COL11A1: variants seen among roughly 807,000 people sequenced by gnomAD.
The protein encoded by COL11A1 is collagen alpha-1(XI) chain.
Under a neutral mutation model 265.2 loss-of-function variants are expected in COL11A1, and 74 were observed. The ratio of observed to expected loss-of-function variants is 0.28; its 90% CI spans 0.23 to 0.34. The LOEUF (loss-of-function observed/expected upper bound fraction) is 0.34. Ranked by LOEUF, COL11A1 falls within the 10% of genes least tolerant of loss-of-function variation. The probability of loss-of-function intolerance (pLI) is 1.00; values close to 1 mark genes in which losing one functional copy is unlikely to be tolerated. For synonymous variants in COL11A1, 816 were observed against 727.6 expected (o/e 1.12, Z -1.96); for missense variants, 2,165 against 2,263.6 (o/e 0.96, Z 0.88).
At chr1:102,947,813 A>T (rs1476620288) in intron 41 of COL11A1, among the ~76,000 whole-genome samples, 1 of 151,954 alleles carries the variant, frequency 6.6e-6, no homozygotes, top group Non-Finnish European at 1.5e-5. Flanking sequence ...AAGCTCAAGT[A>T]TAATCTATTT....
chr1:102,890,428 A>T, intron 58 of COL11A1, 23 bp downstream of exon 58: 1 of 1,592,488 alleles, frequency 6.3e-7, no homozygotes, highest in Non-Finnish European at 8.6e-7. Flanking sequence ...TCTTTTATTA[A>T]TAACACATTC....
At chr1:103,089,395 A>G (rs889559013) in intron 1 of COL11A1, among the ~76,000 whole-genome samples, 7 of 152,020 alleles carry the variant, frequency 4.6e-5, no homozygotes, top group Admixed American at 1.3e-4. Context: ...ATCACCCTAC[A>G]CTATTTTGTT....
chr1:102,963,710 T>G (rs1470641659), intron 38 of COL11A1, among the ~76,000 whole-genome samples: 2 of 152,168 alleles, frequency 1.3e-5, no homozygotes, highest in African/African-American at 4.8e-5. Context: ...TTTCTAGGTT[T>G]AAATTTCTTT....
At chr1:103,096,272 T>G (rs1377496332) in intron 1 of COL11A1, among the ~76,000 whole-genome samples, 3 of 152,048 alleles carry the variant, frequency 2.0e-5, no homozygotes, top group African/African-American at 7.2e-5. Context: ...AAATGTTGCT[T>G]TCTTAGACTG....
In COL11A1 at chr1:103,103,590, C is replaced by T. The variant is rs1250267190; in HGVS notation, c.106+4483G>A. Among the ~76,000 whole-genome samples, 3 of 152,004 alleles carry T rather than the reference C, an allele frequency of 2.0e-5. No individual in the cohort carries two copies. In the East Asian group the frequency reaches 5.8e-4, roughly 29 times the overall value. ...TAAATTTCTTTATATAAGACATTTTCACTATATCTACCTTCTCACTAATCT... is the reference window on the plus strand; with the variant it reads ...TAAATTTCTTTATATAAGACATTTTTACTATATCTACCTTCTCACTAATCT... On this transcript the variant is annotated intron_variant, in intron 1 of 66. Coordinates refer to ENST00000370096, the MANE Select transcript of COL11A1 (RefSeq NM_001854.4).
chr1:103,071,705 G>T (rs2102266002), intron 4 of COL11A1, among the ~76,000 whole-genome samples: 1 of 151,370 alleles, frequency 6.6e-6, no homozygotes, highest in Non-Finnish European at 1.5e-5. Flanking sequence ...GACCCACGAG[G>T]ACTTCTGACT....
intron 4 of COL11A1, among the ~76,000 whole-genome samples, chr1:103,062,222 T>G (rs181300621): frequency 2.0e-5 from 3 of 152,086 alleles, no homozygotes; most frequent in Admixed American, 2.0e-4. Context: ...CAGAACAAGA[T>G]GGGTTCACTG....
At chr1:103,076,396 A>G (rs982136431) in intron 3 of COL11A1, among the ~76,000 whole-genome samples, 6 of 136,734 alleles carry the variant, frequency 4.4e-5, no homozygotes, top group Non-Finnish European at 8.0e-5. Context: ...CTGCATTCTT[A>G]AAACTATCAA....
At chr1:102,880,219 T>C (rs1038750299) in intron 65 of COL11A1, among the ~76,000 whole-genome samples, 3 of 152,148 alleles carry the variant, frequency 2.0e-5, no homozygotes, top group Admixed American at 1.3e-4. Context: ...TTCCAAGAAA[T>C]GTTTCAATAT....
intron 1 of COL11A1, among the ~76,000 whole-genome samples, chr1:103,099,774 C>T (rs1242517299): frequency 6.6e-6 from 1 of 151,734 alleles, no homozygotes; most frequent in East Asian, 1.9e-4. Flanking sequence ...TATTCAGTGG[C>T]ACCTTTGGAG....
intron 37 of COL11A1, among the ~76,000 whole-genome samples, chr1:102,967,695 G>T (rs547284982): frequency 2.0e-5 from 3 of 152,104 alleles, no homozygotes; most frequent in African/African-American, 4.8e-5. Flanking sequence ...CCATATATTT[G>T]TATGACCTGT....
chr1:102,884,980 A>G (rs565792303), intron 63 of COL11A1, among the ~76,000 whole-genome samples: 1 of 152,208 alleles, frequency 6.6e-6, no homozygotes, highest in Non-Finnish European at 1.5e-5. Context: ...CCCTTATTCC[A>G]GAGGGGTTCT....
chr1:102,922,723 A>G (rs1394029503), intron 47 of COL11A1, among the ~76,000 whole-genome samples: 1 of 152,172 alleles, frequency 6.6e-6, no homozygotes, highest in East Asian at 1.9e-4. Flanking sequence ...TGCATTTCTT[A>G]TATCTAGGTT....
chr1:102,887,084 T>C lies in COL11A1; in HGVS notation c.4609-28A>G, dbSNP rs2100841665. On this transcript the variant is annotated intron_variant, in intron 62 of 66. Coordinates refer to ENST00000370096, the MANE Select transcript of COL11A1 (RefSeq NM_001854.4). ...GTAAAGAAGATAATGTGAGTGCAAT[T>C]GTTTCATAAAGTGGAATATTCTGCA... is the stretch of plus-strand genomic sequence containing the variant. 3.7e-6 allele frequency: 6 copies of C among 1,613,160 alleles called. No homozygotes were observed. In the East Asian group the frequency reaches 6.7e-5, roughly 18 times the overall value.
At chr1:103,064,698 A>AG (rs1164654979) in intron 4 of COL11A1, among the ~76,000 whole-genome samples, 4,938 of 109,654 alleles carry the variant, frequency 0.045, 310 homozygotes, top group African/African-American at 0.13. Context: ...TCAAAAAAAA[A>AG]AGAAAAAAAA....
At chr1:102,967,536 A>G (rs944707350) in intron 37 of COL11A1, among the ~76,000 whole-genome samples, 1 of 152,048 alleles carries the variant, frequency 6.6e-6, no homozygotes, top group African/African-American at 2.4e-5. Context: ...CACCACGCCC[A>G]GCCAATAAAT....
chr1:103,021,698 A>G lies in COL11A1; in HGVS notation c.1308+9T>C. 1 of 1,594,500 alleles carries G rather than the reference A, an allele frequency of 6.3e-7. No homozygotes were observed. The highest frequency in any genetic ancestry group is 8.6e-7 in the Non-Finnish European group (1 of 1,162,102). ...CCAACCTTTAAAGTGTATTCACACTACTACTTACAGGCTCAACCACTGCTG... is the reference window on the plus strand; with the variant it reads ...CCAACCTTTAAAGTGTATTCACACTGCTACTTACAGGCTCAACCACTGCTG... On this transcript the variant is annotated intron_variant, in intron 9 of 66. Transcript: ENST00000370096.
intron 4 of COL11A1, among the ~76,000 whole-genome samples, chr1:103,070,101 A>G (rs1248356478): frequency 6.6e-6 from 1 of 151,704 alleles, no homozygotes; most frequent in Non-Finnish European, 1.5e-5. Context: ...ATGAATGTTT[A>G]TAGTGGCTTT....
intron 31 of COL11A1, among the ~76,000 whole-genome samples, chr1:102,982,197 A>T (rs1330189335): frequency 6.6e-6 from 1 of 152,022 alleles, no homozygotes; most frequent in African/African-American, 2.4e-5. Flanking sequence ...GGATTAAAAA[A>T]TGTTGGATAC....
Sources: gnomAD v4.1 joint callset for allele counts (sites outside exome capture counted in the v4.1 genomes callset) on GRCh38, gnomAD v4.1.1 for gene constraint, MANE v1.5 for transcripts, NCBI Gene and HGNC (gene_info 2026-07-23, HGNC 2026-07-21) for gene names.